Variants in QRICH1 observed in about 807,000 individuals in gnomAD.
The protein encoded by QRICH1 is glutamine rich 1.
QRICH1 carries 16 observed loss-of-function variants against 87.1 expected under a neutral mutation model. The ratio of observed to expected loss-of-function variants is 0.18; its 90% CI spans 0.12 to 0.28. The LOEUF (loss-of-function observed/expected upper bound fraction) is 0.28. Ranked by LOEUF, QRICH1 falls within the 10% of genes least tolerant of loss-of-function variation. The pLI is 1.00. For synonymous variants in QRICH1, 367 were observed against 368.4 expected (o/e 1.00, Z 0.05); for missense variants, 647 against 951.7 (o/e 0.68, Z 4.21).
intron 7 of QRICH1, 72 bp from the exon 8 acceptor site, chr3:49,032,845 T>A: frequency 6.6e-7 from 1 of 1,504,986 alleles, no homozygotes; most frequent in Admixed American, 2.1e-5. Context: ...CTCTGCCCAC[T>A]GGTGCTTCAG....
At position 49,056,954 on chromosome 3, in the gene QRICH1, A is replaced by G. The variant is rs770092196; in HGVS notation, c.1246T>C (p.Trp416Arg). 2 of 1,614,130 alleles carry G rather than the reference A, an allele frequency of 1.2e-6. No individual in the cohort carries two copies. Among genetic ancestry groups the G allele is most frequent in the Non-Finnish European group, 1.7e-6 (2 of 1,180,024 alleles). ...TGCTGCGGCTGCTGTTGGGGGTCCC[A>G]TATATGGACAGTTTGAGCCGTATTC... is the stretch of plus-strand genomic sequence containing the variant. Reference protein sequence around the residue: ...YQNTAQTVHIWDPQQQPQQQT... With the variant: ...YQNTAQTVHIRDPQQQPQQQT... Residue 416 changes from tryptophan (W) to arginine (R), a missense_variant, in exon 3 of 10, where the codon TGG becomes CGG. This residue lies in a region of QRICH1 where 115 missense variants were observed against 126.8 expected (regional missense o/e 0.91). Transcript: ENST00000395443.
intron 6 of QRICH1, among the ~76,000 whole-genome samples, chr3:49,038,982 G>C (rs1178404521): frequency 6.6e-6 from 1 of 152,086 alleles, no homozygotes; most frequent in East Asian, 1.9e-4. Context: ...AGCCAAGATC[G>C]TGCCACTGCA....
At chr3:49,068,486 G>T (rs1239151423) in intron 2 of QRICH1, among the ~76,000 whole-genome samples, 1 of 143,206 alleles carries the variant, frequency 7.0e-6, no homozygotes, top group Non-Finnish European at 1.5e-5. Context: ...AAAAAAATTA[G>T]TTGGGCGTAG....
chr3:49,039,059 T>C (rs1385869525), intron 6 of QRICH1, among the ~76,000 whole-genome samples: 1 of 151,224 alleles, frequency 6.6e-6, no homozygotes, highest in Non-Finnish European at 1.5e-5. Flanking sequence ...AAAGTAAATA[T>C]TAAAAGACAT....
chr3:49,078,562 T>C (rs1380628323), intron 1 of QRICH1, among the ~76,000 whole-genome samples: 2 of 144,222 alleles, frequency 1.4e-5, no homozygotes, highest in Non-Finnish European at 3.0e-5. Context: ...GCCCAGCTAA[T>C]TTTTTTGTAT....
chr3:49,056,537 G>A (rs1282096218), intron 3 of QRICH1, among the ~76,000 whole-genome samples: 1 of 152,012 alleles, frequency 6.6e-6, no homozygotes, highest in Non-Finnish European at 1.5e-5. Flanking sequence ...GGACACACTT[G>A]AGGTGTCCCA....
chr3:49,043,189 A>G (rs2093320307), intron 6 of QRICH1, among the ~76,000 whole-genome samples: 2 of 152,162 alleles, frequency 1.3e-5, no homozygotes, highest in East Asian at 3.9e-4. Context: ...GGAAACCTAA[A>G]AGTACTCTAA....
rs926687096 is a variant in QRICH1 at position 49,051,587 on chromosome 3, C to T, written c.1339-4341G>A. Among the ~76,000 whole-genome samples the T allele has an allele frequency of 4.9e-5, 6 of 122,948 alleles. No homozygotes were observed. In the South Asian group the frequency reaches 9.6e-4, roughly 20 times the overall value. The allele number at this position is 122,948 out of a possible 152,430, so 80.7% of individuals were successfully genotyped here. ...TCCAAGCTAGAACCCCCCCTGCGCCCCCCCCCCCCTCCGCTTAATATACCT... is the reference window on the plus strand; with the variant it reads ...TCCAAGCTAGAACCCCCCCTGCGCCTCCCCCCCCCTCCGCTTAATATACCT... On this transcript the variant is annotated intron_variant, in intron 3 of 9. Coordinates refer to ENST00000395443, the MANE Select transcript of QRICH1 (RefSeq NM_198880.3).
chr3:49,048,953 G>A (rs1221549780), intron 3 of QRICH1, among the ~76,000 whole-genome samples: 1 of 151,008 alleles, frequency 6.6e-6, no homozygotes, highest in African/African-American at 2.4e-5. Flanking sequence ...CTAGGCTGGA[G>A]TGCAGTGGCA....
Position 49,032,782 on chromosome 3 carries a change from C to T in QRICH1, c.1896-9G>A. On this transcript the variant is annotated splice_polypyrimidine_tract_variant and intron_variant, in intron 7 of 9. Coordinates refer to ENST00000395443, the MANE Select transcript of QRICH1 (RefSeq NM_198880.3). The stretch of plus-strand genomic sequence containing the variant: ...TCTTCAATAGGAAGTACCTGGATCA[C>T]AAGTAAAATGCAAGGCAGAGGGAGG... 5 of 1,601,000 alleles carry T rather than the reference C, an allele frequency of 3.1e-6. No individual in the cohort carries two copies. The highest frequency in any genetic ancestry group is 4.3e-6 in the Non-Finnish European group (5 of 1,175,428).
rs201525510 is a variant in QRICH1, at chr3:49,030,426, T to A, written c.*26A>T. On this transcript the variant is annotated 3_prime_UTR_variant, in exon 10 of 10. Coordinates refer to ENST00000395443, the MANE Select transcript of QRICH1 (RefSeq NM_198880.3). The stretch of plus-strand genomic sequence containing the variant: ...GTCTGTCTGGTTTTTCCTGGCTGGT[T>A]TCTCTTGTGCCATGGCCAAGGCATC... 7 of 1,604,478 alleles carry A rather than the reference T, an allele frequency of 4.4e-6. No homozygotes were observed. In the East Asian group the frequency reaches 1.6e-4, roughly 36 times the overall value.
At chr3:49,080,092 C>A (rs1425547150) in intron 1 of QRICH1, among the ~76,000 whole-genome samples, 1 of 151,610 alleles carries the variant, frequency 6.6e-6, no homozygotes, top group African/African-American at 2.4e-5. Context: ...TTATGAAACT[C>A]TAATATCTAA....
chr3:49,050,593 C>T (rs896347529), intron 3 of QRICH1, among the ~76,000 whole-genome samples: 4 of 152,022 alleles, frequency 2.6e-5, no homozygotes, highest in South Asian at 2.1e-4. Context: ...TATTAAATTA[C>T]AGTCCAGGGC....
intron 2 of QRICH1, among the ~76,000 whole-genome samples, chr3:49,064,452 C>G (rs1304963171): frequency 6.6e-6 from 1 of 151,838 alleles, no homozygotes; most frequent in African/African-American, 2.4e-5. Context: ...GGGGTTGCCC[C>G]ATGTTGGCCA....
chr3:49,058,938 T>A (rs1385358191), intron 2 of QRICH1, among the ~76,000 whole-genome samples: 1 of 148,620 alleles, frequency 6.7e-6, no homozygotes, highest in East Asian at 2.0e-4. Context: ...TTTTAAAAAT[T>A]GTTTTTGAAA....
chr3:49,042,810 T>A (rs1212051246), intron 6 of QRICH1, among the ~76,000 whole-genome samples: 1 of 152,054 alleles, frequency 6.6e-6, no homozygotes, highest in Non-Finnish European at 1.5e-5. Context: ...CAATATTCAG[T>A]GATCAGCCCA....
At chr3:49,092,661 T>C (rs2042298581) in intron 1 of QRICH1, among the ~76,000 whole-genome samples, 1 of 152,116 alleles carries the variant, frequency 6.6e-6, no homozygotes, top group Non-Finnish European at 1.5e-5. Flanking sequence ...AGATGTTTTG[T>C]ATTAGAAAAA....
At chr3:49,036,846 T>G (rs1575323735) in intron 6 of QRICH1, among the ~76,000 whole-genome samples, 1 of 152,142 alleles carries the variant, frequency 6.6e-6, no homozygotes, top group East Asian at 1.9e-4. Context: ...GCGGAATGCC[T>G]AAGCTCAGGA....
At chr3:49,070,540 A>G (rs369187188) in intron 2 of QRICH1, among the ~76,000 whole-genome samples, 1 of 151,786 alleles carries the variant, frequency 6.6e-6, no homozygotes, top group Non-Finnish European at 1.5e-5. Context: ...CCTGGGCCCA[A>G]GGAGTTCCTC....
Sources: gnomAD v4.1 joint callset for allele counts (sites outside exome capture counted in the v4.1 genomes callset) on GRCh38, gnomAD v4.1.1 for gene constraint, gnomAD v4.1.1 regional missense constraint, MANE v1.5 for transcripts, NCBI Gene and HGNC (gene_info 2026-07-23, HGNC 2026-07-21) for gene names.